ADCK1: variants seen among roughly 807,000 people sequenced by gnomAD.
ADCK1 encodes the protein aarF domain-containing protein kinase 1.
ADCK1 carries 41 observed loss-of-function variants against 52.3 expected under a neutral mutation model. The ratio of observed to expected loss-of-function variants is 0.78; its 90% CI spans 0.61 to 1.02. The LOEUF (loss-of-function observed/expected upper bound fraction) is 1.02, where lower values mean the gene tolerates loss of function less well. Ranked by LOEUF, ADCK1 falls within the 50% of genes least tolerant of loss-of-function variation. The pLI is 0.00. For missense variants in ADCK1, 658 were observed against 679.5 expected, an observed-to-expected ratio of 0.97 and a Z score of 0.35; for synonymous variants, 250 against 274.6, an observed-to-expected ratio of 0.91 and a Z score of 0.89.
chr14:77,891,274 G>A (rs1209791320), intron 5 of ADCK1, among the ~76,000 whole-genome samples: 1 of 152,200 alleles, frequency 6.6e-6, no homozygotes, highest in Non-Finnish European at 1.5e-5. Flanking sequence ...GTGGCCCTGA[G>A]CATCCGCCTA....
intron 1 of ADCK1, among the ~76,000 whole-genome samples, chr14:77,817,893 G>A (rs1299297715): frequency 1.6e-5 from 2 of 124,348 alleles, no homozygotes; most frequent in East Asian, 2.3e-4. Context: ...CCGCCACCAC[G>A]CCTGGCTAAT....
chr14:77,896,366 A>G (rs956358455), intron 5 of ADCK1, among the ~76,000 whole-genome samples: 4 of 152,224 alleles, frequency 2.6e-5, no homozygotes, highest in African/African-American at 9.6e-5. Context: ...GCCTATGGTA[A>G]TTACCTGGAG....
chr14:77,809,849 A>G (rs541006116), intron 1 of ADCK1, among the ~76,000 whole-genome samples: 2 of 151,460 alleles, frequency 1.3e-5, no homozygotes, highest in East Asian at 4.0e-4. Flanking sequence ...AGCCTGACCA[A>G]CATGGTGAAA....
chr14:77,884,658 C>T (rs1350395163), intron 4 of ADCK1, among the ~76,000 whole-genome samples: 1 of 152,186 alleles, frequency 6.6e-6, no homozygotes, highest in Non-Finnish European at 1.5e-5. Context: ...GGGTTCACTC[C>T]CTCTGTCTCT....
intron 3 of ADCK1, among the ~76,000 whole-genome samples, chr14:77,831,372 A>G (rs2081845505): frequency 6.6e-6 from 1 of 152,200 alleles, no homozygotes; most frequent in Non-Finnish European, 1.5e-5. Context: ...TGTGAAACAT[A>G]GGGATAGAAT....
chr14:77,843,443 AGT>A (rs1357584391), intron 3 of ADCK1, among the ~76,000 whole-genome samples: 1 of 152,140 alleles, frequency 6.6e-6, no homozygotes, highest in East Asian at 1.9e-4. Context: ...GCATCTTCTC[AGT>A]GTGTGTGATT....
intron 3 of ADCK1, among the ~76,000 whole-genome samples, chr14:77,856,428 G>A (rs537445150): frequency 2.0e-4 from 30 of 152,088 alleles, no homozygotes; most frequent in Non-Finnish European, 4.1e-4. Flanking sequence ...ATGACTGTCT[G>A]ATGGTCTCTT....
chr14:77,900,824 G>C (rs2083521252), intron 6 of ADCK1: 1 of 327,506 alleles, frequency 3.1e-6, no homozygotes, highest in Non-Finnish European at 6.0e-6. Context: ...AATTGCATTG[G>C]AACAAATTTG....
rs865856139 is a variant in ADCK1, at chr14:77,933,209, C to G, written c.1401-11C>G. 6.2e-7 allele frequency: 1 copy of G among 1,605,584 alleles called. No individual in the cohort carries two copies. On this transcript the variant is annotated splice_polypyrimidine_tract_variant and intron_variant, in intron 10 of 10. Transcript: ENST00000238561. ...TATCTCTTTTCTCCTTTTTTCTTTC[C>G]CTTTTTCCAGGCACAAGAAGAAGAA... is the stretch of plus-strand genomic sequence containing the variant.
Position 77,933,289 on chromosome 14 carries a change from A to G in ADCK1, c.1470A>G (p.Leu490=). The part of the protein sequence containing the change: ...TQISFSEAFN[L]WQINLHELIL... Reference sequence around the variant, plus strand: ...TCTCTTTCAGCGAGGCCTTCAACTTATGGCAGATCAACCTCCATGAGCTCA... The same window carrying G: ...TCTCTTTCAGCGAGGCCTTCAACTTGTGGCAGATCAACCTCCATGAGCTCA... The change falls in exon 11 of 11, where the codon TTA becomes TTG. Residue 490 remains leucine (L), a synonymous_variant. Coordinates refer to ENST00000238561, the MANE Select transcript of ADCK1 (RefSeq NM_020421.4). The G allele has an allele frequency of 6.2e-7, 1 of 1,614,118 alleles. No individual in the cohort carries two copies. Among genetic ancestry groups the G allele is most frequent in the Non-Finnish European group, 8.5e-7 (1 of 1,180,038 alleles).
At chr14:77,909,559 C>T (rs544651691) in intron 7 of ADCK1, among the ~76,000 whole-genome samples, 51 of 152,244 alleles carry the variant, frequency 3.3e-4, no homozygotes, top group African/African-American at 1.2e-3. Flanking sequence ...AGCAGATGAG[C>T]CCAGGGGGGT....
At chr14:77,874,585 G>T (rs1038930742) in intron 4 of ADCK1, among the ~76,000 whole-genome samples, 6 of 152,094 alleles carry the variant, frequency 3.9e-5, no homozygotes, top group Non-Finnish European at 5.9e-5. Context: ...GGATGGCTTG[G>T]GTGTCCACAG....
intron 1 of ADCK1, among the ~76,000 whole-genome samples, chr14:77,802,345 C>T (rs1375925569): frequency 3.9e-5 from 6 of 152,092 alleles, no homozygotes; most frequent in African/African-American, 1.4e-4. Context: ...CCCTATTCTC[C>T]CTCAGTCTGC....
intron 5 of ADCK1, among the ~76,000 whole-genome samples, chr14:77,894,034 C>T (rs1176536581): frequency 6.6e-6 from 1 of 152,164 alleles, no homozygotes; most frequent in Non-Finnish European, 1.5e-5. Context: ...CGTCCAGCCT[C>T]ATCTTGTTTC....
At chr14:77,853,672 T>G (rs1391849279) in intron 3 of ADCK1, among the ~76,000 whole-genome samples, 1 of 152,218 alleles carries the variant, frequency 6.6e-6, no homozygotes, top group African/African-American at 2.4e-5. Context: ...AAATAGGTCC[T>G]GTGTGAATGC....
At chr14:77,818,818 C>A in intron 1 of ADCK1, 150 bp from the exon 2 acceptor site, 1 of 883,246 alleles carries the variant, frequency 1.1e-6, no homozygotes, top group Non-Finnish European at 1.7e-6. Flanking sequence ...TAGGTATTAT[C>A]CTGTTTTACA....
chr14:77,858,326 C>T (rs574503522), intron 3 of ADCK1, among the ~76,000 whole-genome samples: 1 of 152,158 alleles, frequency 6.6e-6, no homozygotes, highest in East Asian at 1.9e-4. Flanking sequence ...CAACCTCCGC[C>T]TCCTGGGTTC....
chr14:77,923,544 G>A lies in ADCK1; in HGVS notation c.859-913G>A, dbSNP rs998078993. On this transcript the variant is annotated intron_variant, in intron 7 of 10. Coordinates refer to ENST00000238561, the MANE Select transcript of ADCK1 (RefSeq NM_020421.4). The surrounding 1 kb of genome is among the most constrained non-coding windows in gnomAD (Gnocchi z 4.3). ...CCCCAGCTCCTCTCCCCTCTGACCA[G>A]GTTAGGTTTGTTAATGACCATGGGG... 3.3e-5 allele frequency: 5 copies of A among 152,238 alleles called. No individual in the cohort carries two copies. Among genetic ancestry groups the A allele is most frequent in the African/African-American group, 1.2e-4 (5 of 41,436 alleles). The allele number at this position is 152,238 out of a possible 1,614,324, so 9.4% of individuals were successfully genotyped here.
At chr14:77,839,061 A>G (rs2082014617) in intron 3 of ADCK1, among the ~76,000 whole-genome samples, 1 of 152,190 alleles carries the variant, frequency 6.6e-6, no homozygotes, top group East Asian at 1.9e-4. Context: ...CTTTTCAGGA[A>G]ATCACTGTGG....
Sources: allele counts gnomAD v4.1 joint callset (sites outside exome capture counted in the v4.1 genomes callset), GRCh38; gene constraint gnomAD v4.1.1; non-coding constraint Gnocchi (gnomAD v3.1); transcripts MANE v1.5; gene names NCBI Gene and HGNC (gene_info 2026-07-23, HGNC 2026-07-21).